The following ELAVL1 variants were observed in gnomAD, a reference collection of about 807,000 sequenced individuals.
ELAVL1 encodes ELAV like RNA binding protein 1.
Under a neutral mutation model 28.4 loss-of-function variants are expected in ELAVL1, and 1 was observed. That is an observed-to-expected ratio of 0.04 (90% confidence interval 0.01 to 0.17). The LOEUF is 0.17. Ranked by LOEUF, ELAVL1 falls within the 10% of genes least tolerant of loss-of-function variation. ELAVL1 has a pLI of 1.00. For synonymous variants in ELAVL1, 174 were observed against 183.5 expected, an observed-to-expected ratio of 0.95 and a Z score of 0.42; for missense variants, 157 against 447.2, an observed-to-expected ratio of 0.35 and a Z score of 5.85.
At chr19:7,985,078 C>T (rs1985564954) in intron 2 of ELAVL1, among the ~76,000 whole-genome samples, 1 of 152,206 alleles carries the variant, frequency 6.6e-6, no homozygotes, top group African/African-American at 2.4e-5. Context: ...CGCCACCATG[C>T]CCAGCTAATT....
intron 1 of ELAVL1, among the ~76,000 whole-genome samples, chr19:7,995,799 T>A (rs1179814254): frequency 6.5e-4 from 96 of 146,990 alleles, no homozygotes; most frequent in African/African-American, 2.1e-3. Context: ...AAAAAAAAAA[T>A]GGATAAACTG....
intron 3 of ELAVL1, 143 bp downstream of exon 3, chr19:7,980,940 A>G (rs1462573592): frequency 6.3e-6 from 5 of 799,706 alleles, no homozygotes; most frequent in Non-Finnish European, 1.0e-5. Context: ...GGTCAGATAC[A>G]CCTGACCAGG....
chr19:7,960,836 G>A lies in ELAVL1; in HGVS notation c.*2647C>T, dbSNP rs1201298974. On this transcript the variant is annotated 3_prime_UTR_variant, in exon 6 of 6. Coordinates refer to ENST00000407627, the MANE Select transcript of ELAVL1 (RefSeq NM_001419.3). ...TTGGGTTGAGCCTTTTTTAAGAAAA[G>A]GGATCTCCCCTTTGCAAACAGGCCT... is the stretch of plus-strand genomic sequence containing the variant. 6.6e-6 allele frequency: 1 copy of A among 152,142 alleles called. No individual in the cohort carries two copies. The highest frequency in any genetic ancestry group is 1.5e-5 in the Non-Finnish European group (1 of 68,016). The allele number at this position is 152,142 out of a possible 1,614,324, so 9.4% of individuals were successfully genotyped here. A position where few individuals can be genotyped will look rare whatever the true frequency, so the allele number is the denominator to read the frequency against.
intron 2 of ELAVL1, among the ~76,000 whole-genome samples, chr19:7,989,023 C>T (rs1027926333): frequency 2.0e-5 from 3 of 152,162 alleles, no homozygotes; most frequent in South Asian, 2.1e-4. Context: ...AGGGTAAACA[C>T]GGGGAAATGG....
chr19:7,994,154 G>C lies in ELAVL1; in HGVS notation c.-16-2323C>G, dbSNP rs536559769. ...AAAAGGCATCACAGACCTAGACGAA[G>C]AGGAGTAGCCTAGAGAAAAGATTCA... On this transcript the variant is annotated intron_variant, in intron 1 of 5. Transcript: ENST00000407627. 2.0e-3 allele frequency among the ~76,000 whole-genome samples: 312 copies of C among 152,362 alleles called. 1 individual carries two copies. Among genetic ancestry groups the C allele is most frequent in the African/African-American group, 7.0e-3 (292 of 41,592 alleles).
chr19:7,971,617 G>A (rs1024998272), intron 4 of ELAVL1, among the ~76,000 whole-genome samples: 11 of 152,234 alleles, frequency 7.2e-5, no homozygotes, highest in Non-Finnish European at 1.3e-4. Context: ...GGCATCCCCC[G>A]ACCCTCTCCC....
chr19:7,977,945 C>A (rs1348468172), intron 3 of ELAVL1, among the ~76,000 whole-genome samples: 1 of 152,248 alleles, frequency 6.6e-6, no homozygotes, highest in East Asian at 1.9e-4. Context: ...GCTCAGAATA[C>A]CCTCATCTCC....
chr19:8,000,223 C>A (rs866524469), intron 1 of ELAVL1, among the ~76,000 whole-genome samples: 2 of 152,206 alleles, frequency 1.3e-5, no homozygotes, highest in Admixed American at 6.5e-5. Context: ...CGGTGCCTGG[C>A]CTCTGGGAGA....
chr19:8,002,272 C>G, intron 1 of ELAVL1: 1 of 485,804 alleles, frequency 2.1e-6, no homozygotes, highest in Non-Finnish European at 3.7e-6. Context: ...CTACTGCCTC[C>G]TCTCCTCCAG....
In ELAVL1 at chr19:7,977,919, C is replaced by T. The variant is rs890450055; in HGVS notation, c.276+3164G>A. On this transcript the variant is annotated intron_variant, in intron 3 of 5. Transcript: ENST00000407627. ...CTAGGATGCGGCCCTTGCCTTGTGC[C>T]CCTGCAGGTCCTGCTGCTCAGAATA... is the stretch of plus-strand genomic sequence containing the variant. 1.2e-4 allele frequency among the ~76,000 whole-genome samples: 18 copies of T among 152,336 alleles called. No homozygotes were observed. The East Asian group carries it at 3.3e-3, about 28-fold the overall frequency.
intron 4 of ELAVL1, among the ~76,000 whole-genome samples, chr19:7,969,776 G>A (rs1985056091): frequency 1.3e-5 from 2 of 152,138 alleles, no homozygotes; most frequent in South Asian, 4.1e-4. Context: ...GTGTGCAAGT[G>A]TGGCTTCCTC....
intron 1 of ELAVL1, among the ~76,000 whole-genome samples, chr19:7,995,574 AG>A (rs1159876191): frequency 6.6e-6 from 1 of 152,232 alleles, no homozygotes; most frequent in East Asian, 1.9e-4. Flanking sequence ...GTCTGTCTAT[AG>A]ATAGTTTTGT....
chr19:8,001,295 T>C (rs1216263134), intron 1 of ELAVL1, among the ~76,000 whole-genome samples: 1 of 152,200 alleles, frequency 6.6e-6, no homozygotes, highest in Non-Finnish European at 1.5e-5. Context: ...TTTGGTGGCA[T>C]AGCCCCACCT....
intron 1 of ELAVL1, among the ~76,000 whole-genome samples, chr19:8,001,897 G>C (rs537542411): frequency 7.9e-5 from 12 of 152,258 alleles, no homozygotes; most frequent in Non-Finnish European, 1.0e-4. Flanking sequence ...ACAAAATATA[G>C]AAGCAGTCCC....
chr19:8,001,716 T>C (rs2081068650), intron 1 of ELAVL1, among the ~76,000 whole-genome samples: 1 of 152,142 alleles, frequency 6.6e-6, no homozygotes, highest in Non-Finnish European at 1.5e-5. Context: ...TCTTCCACCT[T>C]GGCCTCCCAA....
At position 7,981,777 on chromosome 19, in the gene ELAVL1, G is replaced by A. The variant is rs981704110; in HGVS notation, c.173-591C>T. ...AGCATCTTTCTGAAAGACCAGTCCCGTGGGTGCCGGCCGCTCTGTGGGGCC... is the reference window on the plus strand; with the variant it reads ...AGCATCTTTCTGAAAGACCAGTCCCATGGGTGCCGGCCGCTCTGTGGGGCC... On this transcript the variant is annotated intron_variant, in intron 2 of 5. Coordinates refer to ENST00000407627, the MANE Select transcript of ELAVL1 (RefSeq NM_001419.3). This position sits in a 1 kb window ranked among gnomAD's most constrained non-coding sequence, Gnocchi z 4.2. 7.9e-5 allele frequency among the ~76,000 whole-genome samples: 12 copies of A among 152,192 alleles called. No homozygotes were observed. The highest frequency in any genetic ancestry group is 2.2e-4 in the African/African-American group (9 of 41,442).
At chr19:7,986,857 C>T (rs1045882470) in intron 2 of ELAVL1, among the ~76,000 whole-genome samples, 1 of 152,140 alleles carries the variant, frequency 6.6e-6, no homozygotes, top group Non-Finnish European at 1.5e-5. Context: ...TACGTGGCTG[C>T]TTATGGCCAT....
chr19:7,966,972 T>G (rs1984971924), intron 5 of ELAVL1, among the ~76,000 whole-genome samples: 1 of 151,906 alleles, frequency 6.6e-6, no homozygotes, highest in Non-Finnish European at 1.5e-5. Flanking sequence ...AGGAACTGCG[T>G]GCTGAAGCTC....
At chr19:7,994,239 G>C (rs764505270) in intron 1 of ELAVL1, among the ~76,000 whole-genome samples, 2 of 151,884 alleles carry the variant, frequency 1.3e-5, no homozygotes, top group African/African-American at 4.8e-5. Flanking sequence ...CCCCCAAGGG[G>C]ACACAGGGCA....
Sources: allele counts gnomAD v4.1 joint callset (sites outside exome capture counted in the v4.1 genomes callset), GRCh38; gene constraint gnomAD v4.1.1; non-coding constraint Gnocchi (gnomAD v3.1); transcripts MANE v1.5; gene names NCBI Gene and HGNC (gene_info 2026-07-23, HGNC 2026-07-21).